ANKS1A: variants seen among roughly 807,000 people sequenced by gnomAD.
ANKS1A encodes the protein ankyrin repeat and sterile alpha motif domain containing 1A, also known as ankyrin repeat and SAM domain-containing protein 1A.
ANKS1A carries 55 observed loss-of-function variants against 120.3 expected under a neutral mutation model. The ratio of observed to expected loss-of-function variants is 0.46; its 90% CI spans 0.37 to 0.57. The LOEUF (loss-of-function observed/expected upper bound fraction) is 0.57. ANKS1A is among the 20% of genes least tolerant of loss of function. The probability of loss-of-function intolerance (pLI) is 0.00; values close to 1 mark genes in which losing one functional copy is unlikely to be tolerated. For missense variants in ANKS1A, 1,123 were observed against 1,480.3 expected (o/e 0.76, Z 3.96); for synonymous variants, 590 against 604.7 (o/e 0.98, Z 0.36).
At chr6:34,992,959 A>G (rs1056303232) in intron 9 of ANKS1A, among the ~76,000 whole-genome samples, 2 of 152,226 alleles carry the variant, frequency 1.3e-5, no homozygotes, top group African/African-American at 4.8e-5. Context: ...ATGCATTTCC[A>G]GTGGGCTAAG....
intron 18 of ANKS1A, 152 bp from the exon 19 acceptor site, chr6:35,083,003 T>A (rs911679777): frequency 3.2e-6 from 4 of 1,248,762 alleles, no homozygotes; most frequent in East Asian, 2.5e-5. Flanking sequence ...AGCTAGGGAG[T>A]TGAATGGAGG....
In ANKS1A at chr6:35,037,805, T is replaced by C. The variant is rs546001532; in HGVS notation, c.2011-16294T>C. On this transcript the variant is annotated intron_variant, in intron 11 of 23. Coordinates refer to ENST00000360359, the MANE Select transcript of ANKS1A (RefSeq NM_015245.3). ...GAAATGACAAATGCCTACTGTCTGC[T>C]TTACCACCCATTAGTGGCACAGGAA... Among the ~76,000 whole-genome samples the C allele has an allele frequency of 2.0e-5, 3 of 152,288 alleles. No individual in the cohort carries two copies. The South Asian group carries it at 6.2e-4, about 32-fold the overall frequency.
At chr6:34,923,093 C>A (rs753973164) in intron 1 of ANKS1A, among the ~76,000 whole-genome samples, 3 of 152,126 alleles carry the variant, frequency 2.0e-5, no homozygotes, top group Admixed American at 2.0e-4. Flanking sequence ...GACTACGATG[C>A]GTGGTGAGAG....
intron 11 of ANKS1A, among the ~76,000 whole-genome samples, chr6:35,026,479 T>A (rs972851249): frequency 1.3e-5 from 2 of 150,846 alleles, no homozygotes; most frequent in African/African-American, 2.4e-5. Flanking sequence ...GAATGAGAAT[T>A]TAAAAAGAAT....
chr6:35,046,009 G>T (rs190150436), intron 11 of ANKS1A, among the ~76,000 whole-genome samples: 25 of 152,300 alleles, frequency 1.6e-4, no homozygotes, highest in Middle Eastern at 3.4e-3. Flanking sequence ...AATTTTGAAG[G>T]TGTATTTGAT....
At chr6:34,993,983 T>C (rs1272260406) in intron 9 of ANKS1A, among the ~76,000 whole-genome samples, 1 of 152,158 alleles carries the variant, frequency 6.6e-6, no homozygotes, top group African/African-American at 2.4e-5. Context: ...GTTTTTGTTT[T>C]TCCTTAGAGA....
At chr6:34,902,709 A>G (rs1024013885) in intron 1 of ANKS1A, among the ~76,000 whole-genome samples, 3 of 151,590 alleles carry the variant, frequency 2.0e-5, no homozygotes, top group African/African-American at 7.3e-5. Flanking sequence ...AGGCTGAGGC[A>G]GGAGAATCGC....
At chr6:34,969,314 CG>C (rs2127511167) in intron 2 of ANKS1A, among the ~76,000 whole-genome samples, 1 of 152,246 alleles carries the variant, frequency 6.6e-6, no homozygotes, top group East Asian at 1.9e-4. Flanking sequence ...AGTGCGATGG[CG>C]TAATCTCAGC....
intron 1 of ANKS1A, among the ~76,000 whole-genome samples, chr6:34,965,802 A>AGTGGT (rs1360888629): frequency 6.6e-6 from 1 of 151,004 alleles, no homozygotes; most frequent in Non-Finnish European, 1.5e-5. Flanking sequence ...GCTGGAGTGC[A>AGTGGT]GTGGTGTGAT....
chr6:35,095,649 TAAA>T (rs60295651), downstream of ANKS1A, among the ~76,000 whole-genome samples: 3 of 128,622 alleles, frequency 2.3e-5, no homozygotes, highest in Admixed American at 7.8e-5. Context: ...ACTTTTGTGT[TAAA>T]AAAAAAAAAA....
intron 1 of ANKS1A, among the ~76,000 whole-genome samples, chr6:34,891,800 T>A (rs759379852): frequency 1.3e-5 from 2 of 152,142 alleles, no homozygotes; most frequent in Non-Finnish European, 2.9e-5. Flanking sequence ...AGCTAATTTT[T>A]GTATTTTTTG....
At chr6:35,067,431 T>G (rs1413881638) in intron 13 of ANKS1A, among the ~76,000 whole-genome samples, 1 of 152,150 alleles carries the variant, frequency 6.6e-6, no homozygotes, top group African/African-American at 2.4e-5. Context: ...GAGTAACATG[T>G]TCTGGGGACT....
chr6:34,986,660 C>G (rs1196268491), intron 8 of ANKS1A, among the ~76,000 whole-genome samples: 1 of 152,180 alleles, frequency 6.6e-6, no homozygotes, highest in Non-Finnish European at 1.5e-5. Flanking sequence ...TTTCATTAGG[C>G]TCTTTGCTGT....
At chr6:34,910,819 C>T (rs542998633) in intron 1 of ANKS1A, among the ~76,000 whole-genome samples, 3 of 149,650 alleles carry the variant, frequency 2.0e-5, no homozygotes, top group South Asian at 2.1e-4. Flanking sequence ...CGAGATTGCA[C>T]CACTGCACTC....
intron 1 of ANKS1A, among the ~76,000 whole-genome samples, chr6:34,916,732 T>G (rs965515654): frequency 3.9e-5 from 6 of 152,216 alleles, no homozygotes; most frequent in African/African-American, 1.4e-4. Context: ...GTGTAGGATT[T>G]GTAATTCTGT....
At chr6:35,005,184 A>G (rs1244272159) in intron 10 of ANKS1A, among the ~76,000 whole-genome samples, 1 of 152,234 alleles carries the variant, frequency 6.6e-6, no homozygotes, top group African/African-American at 2.4e-5. Flanking sequence ...GTCTAGATCT[A>G]ATGGGTGGAG....
intron 1 of ANKS1A, among the ~76,000 whole-genome samples, chr6:34,948,234 T>A (rs1038447624): frequency 6.6e-6 from 1 of 152,096 alleles, no homozygotes; most frequent in Non-Finnish European, 1.5e-5. Context: ...GTGGCTACAG[T>A]GCTTATTACT....
intron 8 of ANKS1A, among the ~76,000 whole-genome samples, chr6:34,986,785 G>A (rs1280386237): frequency 2.0e-5 from 3 of 152,208 alleles, no homozygotes; most frequent in Non-Finnish European, 2.9e-5. Flanking sequence ...CCTTGTGAGC[G>A]GTGAAAGCAA....
intron 3 of ANKS1A, among the ~76,000 whole-genome samples, chr6:34,974,603 C>T (rs9368842): frequency 0.088 from 13,385 of 151,942 alleles, 758 homozygotes; most frequent in East Asian, 0.34. Context: ...ACTCATAAGT[C>T]ATAGGCTTTC....
Sources: allele counts gnomAD v4.1 joint callset (sites outside exome capture counted in the v4.1 genomes callset), GRCh38; gene constraint gnomAD v4.1.1; transcripts MANE v1.5; gene names NCBI Gene and HGNC (gene_info 2026-07-23, HGNC 2026-07-21).